EPHA6: variants seen among roughly 807,000 people sequenced by gnomAD.
The protein encoded by EPHA6 is ephrin type-A receptor 6.
Under a neutral mutation model 112.0 loss-of-function variants are expected in EPHA6, and 50 were observed. The observed-to-expected ratio is 0.45, with a 90% CI of 0.36 to 0.56. The LOEUF is 0.56. EPHA6 is among the 20% of genes least tolerant of loss of function. EPHA6 has a pLI of 0.00. For synonymous variants in EPHA6, 529 were observed against 490.7 expected (o/e 1.08, Z -1.03); for missense variants, 1,280 against 1,417.4 (o/e 0.90, Z 1.56).
In EPHA6 at chr3:97,747,435, C is replaced by T. The variant is rs1452208873; in HGVS notation, c.3141C>T (p.Ser1047=). 2 of 1,558,986 alleles carry T rather than the reference C, an allele frequency of 1.3e-6. No homozygotes were observed. The highest frequency in any genetic ancestry group is 2.7e-5 in the African/African-American group (2 of 72,908). The change falls in exon 17 of 18, where the codon TCC becomes TCT. Residue 1047 remains serine, a synonymous_variant. Transcript: ENST00000389672. ...LVEDILVMPE[S]PGEVPEYPLF... is the part of the protein sequence containing the mutation. ...TGTTTTCTTACAGAATGCCAGAGTC[C>T]CCTGGTGAAGTTCCGGAATATCCTT... is the stretch of plus-strand genomic sequence containing the variant.
At chr3:97,124,337 A>G (rs1022466722) in intron 3 of EPHA6, among the ~76,000 whole-genome samples, 12 of 151,990 alleles carry the variant, frequency 7.9e-5, no homozygotes, top group African/African-American at 2.9e-4. Context: ...CAATAAATTC[A>G]GTATCTTAAA....
At chr3:97,218,714 A>G (rs900248606) in intron 3 of EPHA6, among the ~76,000 whole-genome samples, 2 of 152,106 alleles carry the variant, frequency 1.3e-5, no homozygotes, top group African/African-American at 4.8e-5. Context: ...CCACCCAAAT[A>G]TCATATCCTT....
chr3:97,639,809 AC>A (rs2093984955), intron 14 of EPHA6, among the ~76,000 whole-genome samples: 1 of 152,170 alleles, frequency 6.6e-6, no homozygotes, highest in South Asian at 2.1e-4. Context: ...TTTAGATTGG[AC>A]CCCAGACTTA....
At chr3:97,701,315 T>C (rs993119366) in intron 14 of EPHA6, among the ~76,000 whole-genome samples, 2 of 151,996 alleles carry the variant, frequency 1.3e-5, no homozygotes, top group African/African-American at 4.8e-5. Flanking sequence ...TGTGTGGAGA[T>C]AGTAGGGGTC....
chr3:96,822,647 CTA>C (rs1306762876), intron 1 of EPHA6, among the ~76,000 whole-genome samples: 1 of 150,934 alleles, frequency 6.6e-6, no homozygotes, highest in Admixed American at 6.6e-5. Context: ...TGTTAGGTAT[CTA>C]TGTGGATATC....
chr3:97,294,056 G>A (rs1045655544), intron 5 of EPHA6, among the ~76,000 whole-genome samples: 2 of 152,244 alleles, frequency 1.3e-5, no homozygotes, highest in African/African-American at 4.8e-5. Context: ...GGGGAGGCCA[G>A]GGAGCAGGAG....
At chr3:97,433,271 A>ATATG (rs756674878) in intron 6 of EPHA6, among the ~76,000 whole-genome samples, 9 of 152,212 alleles carry the variant, frequency 5.9e-5, no homozygotes, top group Non-Finnish European at 1.0e-4. Flanking sequence ...TACCTTACAT[A>ATATG]GTAAAAAGAG....
At chr3:97,333,665 A>AT (rs2082915841) in intron 5 of EPHA6, among the ~76,000 whole-genome samples, 1 of 151,430 alleles carries the variant, frequency 6.6e-6, no homozygotes, top group African/African-American at 2.4e-5. Context: ...TCCTTTAGAC[A>AT]TGGAAGACTC....
intron 12 of EPHA6, among the ~76,000 whole-genome samples, chr3:97,605,904 A>T (rs1009384427): frequency 6.6e-6 from 1 of 151,276 alleles, no homozygotes; most frequent in African/African-American, 2.4e-5. Flanking sequence ...TATTCATTTC[A>T]TTTCTGATTT....
intron 10 of EPHA6, among the ~76,000 whole-genome samples, chr3:97,531,375 C>T (rs937893702): frequency 2.6e-5 from 4 of 152,026 alleles, no homozygotes; most frequent in Non-Finnish European, 5.9e-5. Context: ...CCTTGCTGCC[C>T]TGTGTCCATG....
rs377243684 is a variant in EPHA6 at position 97,664,998 on chromosome 3, C to A, written c.2784+26916C>A. On this transcript the variant is annotated intron_variant, in intron 14 of 17. Transcript: ENST00000389672. Reference sequence around the variant, plus strand: ...AAGTTCATATGGAACCAAAAAAGAGCCTGCATTGCCAAGTCAATCCTAAGT... The same window carrying A: ...AAGTTCATATGGAACCAAAAAAGAGACTGCATTGCCAAGTCAATCCTAAGT... Among the ~76,000 whole-genome samples, 10 of 152,240 alleles carry A rather than the reference C, an allele frequency of 6.6e-5. No homozygotes were observed. The South Asian group carries it at 1.9e-3, about 28-fold the overall frequency.
At chr3:97,734,689 A>T (rs1249180821) in intron 15 of EPHA6, among the ~76,000 whole-genome samples, 1 of 152,076 alleles carries the variant, frequency 6.6e-6, no homozygotes, top group Non-Finnish European at 1.5e-5. Context: ...AAATAAATCA[A>T]ATTGCATTTT....
At chr3:97,431,132 T>C (rs2089476194) in intron 6 of EPHA6, among the ~76,000 whole-genome samples, 1 of 152,146 alleles carries the variant, frequency 6.6e-6, no homozygotes, top group South Asian at 2.1e-4. Flanking sequence ...TTTTTTACAC[T>C]ATGTGAGATT....
At chr3:97,659,087 G>A (rs1366918736) in intron 14 of EPHA6, among the ~76,000 whole-genome samples, 4 of 151,976 alleles carry the variant, frequency 2.6e-5, no homozygotes, top group Non-Finnish European at 4.4e-5. Flanking sequence ...AGGAGCAAAT[G>A]AAATTGTCTG....
intron 10 of EPHA6, among the ~76,000 whole-genome samples, chr3:97,495,218 G>T (rs2091944742): frequency 6.6e-6 from 1 of 151,182 alleles, no homozygotes; most frequent in Non-Finnish European, 1.5e-5. Flanking sequence ...ACTTTTGAGT[G>T]CAATATTATA....
At chr3:97,232,189 C>T (rs2078546190) in intron 4 of EPHA6, among the ~76,000 whole-genome samples, 1 of 152,102 alleles carries the variant, frequency 6.6e-6, no homozygotes, top group African/African-American at 2.4e-5. Context: ...CTCTTGACTC[C>T]AGTTGTACCA....
intron 10 of EPHA6, among the ~76,000 whole-genome samples, chr3:97,494,223 A>C (rs909145163): frequency 1.3e-5 from 2 of 152,204 alleles, no homozygotes; most frequent in Non-Finnish European, 2.9e-5. Flanking sequence ...AAGTACCTTA[A>C]TTTTATCCGG....
At chr3:97,060,149 CA>C (rs2045974054) in intron 3 of EPHA6, among the ~76,000 whole-genome samples, 1 of 151,930 alleles carries the variant, frequency 6.6e-6, no homozygotes, top group African/African-American at 2.4e-5. Context: ...ACAAAACAAA[CA>C]AAAAGCTTAA....
chr3:96,931,583 C>T (rs1242982442), intron 2 of EPHA6, among the ~76,000 whole-genome samples: 1 of 152,244 alleles, frequency 6.6e-6, no homozygotes, highest in Non-Finnish European at 1.5e-5. Flanking sequence ...AGCAGCTATG[C>T]TGCACTAAGG....
Sources: gnomAD v4.1 joint callset for allele counts (sites outside exome capture counted in the v4.1 genomes callset) on GRCh38, gnomAD v4.1.1 for gene constraint, MANE v1.5 for transcripts, NCBI Gene and HGNC (gene_info 2026-07-23, HGNC 2026-07-21) for gene names.